Variants in THBS1 observed in about 807,000 individuals in gnomAD.
THBS1 encodes the protein thrombospondin 1, also known as thrombospondin-1.
In THBS1, 29 loss-of-function variants were observed where a neutral mutation model predicts 126.1. The ratio of observed to expected loss-of-function variants is 0.23; its 90% CI spans 0.17 to 0.31. The LOEUF is 0.31. Ranked by LOEUF, THBS1 falls within the 10% of genes least tolerant of loss-of-function variation. The pLI, the probability that THBS1 is intolerant of heterozygous loss-of-function variation, is 1.00. For synonymous variants in THBS1, 496 were observed against 577.8 expected (o/e 0.86, Z 2.03); for missense variants, 1,198 against 1,545.2 (o/e 0.78, Z 3.77).
rs781779878 is a variant in THBS1 at position 39,581,913 on chromosome 15, A to G, written c.56A>G (p.Asn19Ser). ...VLFLMHVCGTNRIPESGGDNS... is the reference protein window; with the variant it reads ...VLFLMHVCGTSRIPESGGDNS... Reference sequence around the variant, plus strand: ...TTCCTGATGCATGTGTGTGGCACCAACCGCATTCCAGGTGAGTTTGTGTGG... The same window carrying G: ...TTCCTGATGCATGTGTGTGGCACCAGCCGCATTCCAGGTGAGTTTGTGTGG... The change falls in exon 2 of 22, where the codon AAC becomes AGC. Residue 19 changes from asparagine (N) to serine (S), a missense_variant. Physicochemically the swap from Asn to Ser is conservative, Grantham distance 46. Transcript: ENST00000260356. 8 of 1,614,062 alleles carry G rather than the reference A, an allele frequency of 5.0e-6. No individual in the cohort carries two copies. The highest frequency in any genetic ancestry group is 4.5e-5 in the East Asian group (2 of 44,870).
At chr15:39,591,958 A>T (rs967631371) in intron 16 of THBS1, among the ~76,000 whole-genome samples, 4 of 152,248 alleles carry the variant, frequency 2.6e-5, no homozygotes, top group African/African-American at 9.6e-5. Flanking sequence ...TATTAATCAT[A>T]TGTAATACTA....
At position 39,596,131 on chromosome 15, in the gene THBS1, T is replaced by C. The variant is rs545488770; in HGVS notation, c.*762T>C. ...TGCTGGCTGCCATTGCCTGGTCACA[T>C]TGAAATTGGTGGCTTCATTCTAGAT... On this transcript the variant is annotated 3_prime_UTR_variant, in exon 22 of 22. Transcript: ENST00000260356. 3 of 287,878 alleles carry C rather than the reference T, an allele frequency of 1.0e-5. No individual in the cohort carries two copies. Among genetic ancestry groups the C allele is most frequent in the African/African-American group, 4.4e-5 (2 of 45,808 alleles). 17.8% of individuals were successfully genotyped at this position (287,878 alleles called of 1,614,324 possible). A position where few individuals can be genotyped will look rare whatever the true frequency, so the allele number is the denominator to read the frequency against.
In THBS1 at chr15:39,594,457, C is replaced by A. The variant is rs759711694; in HGVS notation, c.3505+17C>A. On this transcript the variant is annotated intron_variant, in intron 21 of 21. Coordinates refer to ENST00000260356, the MANE Select transcript of THBS1 (RefSeq NM_003246.4). The surrounding 1 kb of genome is among the most constrained non-coding windows in gnomAD (Gnocchi z 4.4). ...AATGTAGAGGTAAGAGCAACATCAC[C>A]ATGAATGTACACTGGACATCTCTAT... 1 of 1,612,558 alleles carries A rather than the reference C, an allele frequency of 6.2e-7. No homozygotes were observed.
In THBS1 at chr15:39,590,503, T is replaced by G; in HGVS notation, c.2146-13T>G. On this transcript the variant is annotated splice_polypyrimidine_tract_variant and intron_variant, in intron 13 of 21. Transcript: ENST00000260356. ...GGCAACTGAAGCAGTGATATATATC[T>G]TCTCTTTCCTAGGATAATTGCCCCA... is the stretch of plus-strand genomic sequence containing the variant. The G allele has an allele frequency of 6.2e-7, 1 of 1,607,396 alleles. No individual in the cohort carries two copies. Among genetic ancestry groups the G allele is most frequent in the Non-Finnish European group, 8.5e-7 (1 of 1,175,630 alleles).
intron 10 of THBS1, 46 bp from the exon 11 acceptor site, chr15:39,588,913 C>T (rs766111238): frequency 3.1e-6 from 5 of 1,614,018 alleles, no homozygotes; most frequent in Non-Finnish European, 8.5e-7. Context: ...AGTATGGCAG[C>T]TTAGACCAAC....
Position 39,595,617 on chromosome 15 carries a change from C to T in THBS1, c.*248C>T. 1 of 632,224 alleles carries T rather than the reference C, an allele frequency of 1.6e-6. No homozygotes were observed. The highest frequency in any genetic ancestry group is 2.9e-6 in the Non-Finnish European group (1 of 343,268). The allele number at this position is 632,224 out of a possible 1,614,324, so 39.2% of individuals were successfully genotyped here. On this transcript the variant is annotated 3_prime_UTR_variant, in exon 22 of 22. Coordinates refer to ENST00000260356, the MANE Select transcript of THBS1 (RefSeq NM_003246.4). ...GCATATAAACAATTGCTTTGGTTTCCTTTTGAAAAAGCATCTACTTGCTTC... is the reference window on the plus strand; with the variant it reads ...GCATATAAACAATTGCTTTGGTTTCTTTTTGAAAAAGCATCTACTTGCTTC...
chr15:39,589,139 G>T lies in THBS1; in HGVS notation c.1773+53G>T, dbSNP rs969644534. The T allele has an allele frequency of 6.2e-6, 10 of 1,612,754 alleles. No homozygotes were observed. The African/African-American group carries it at 1.3e-4, about 22-fold the overall frequency. On this transcript the variant is annotated intron_variant, in intron 11 of 21. Coordinates refer to ENST00000260356, the MANE Select transcript of THBS1 (RefSeq NM_003246.4). This position sits in a 1 kb window ranked among gnomAD's most constrained non-coding sequence, Gnocchi z 4.7. ...CTGGATCTAGGAAAGCAGCTAACCT[G>T]TGCAGTCGCTTCCTTATGGCAGTGA...
chr15:39,593,025 A>T lies in THBS1; in HGVS notation c.2793A>T (p.Lys931Asn). 6.2e-7 allele frequency: 1 copy of T among 1,613,190 alleles called. No homozygotes were observed. The highest frequency in any genetic ancestry group is 8.5e-7 in the Non-Finnish European group (1 of 1,179,684). Residue 931 changes from lysine to asparagine, a missense_variant, in exon 18 of 22, where the codon AAA becomes AAT. Physicochemically the swap from Lys to Asn is moderately conservative, Grantham distance 94 (BLOSUM62 0). Transcript: ENST00000260356. The surrounding 1 kb of genome is among the most constrained non-coding windows in gnomAD (Gnocchi z 5.9). Reference sequence around the variant, plus strand: ...GCGATGGTCGAGGTGATGCCTGCAAAGATGATTTTGACCATGACAGTGTGC... The same window carrying T: ...GCGATGGTCGAGGTGATGCCTGCAATGATGATTTTGACCATGACAGTGTGC... ...SDGDGRGDACKDDFDHDSVPD... is the reference protein window; with the variant it reads ...SDGDGRGDACNDDFDHDSVPD...
At position 39,582,653 on chromosome 15, in the gene THBS1, T is replaced by C; in HGVS notation, c.528T>C (p.Asn176=). The change falls in exon 3 of 22, where the codon AAT becomes AAC. Residue 176 remains asparagine (N), a synonymous_variant. Coordinates refer to ENST00000260356, the MANE Select transcript of THBS1 (RefSeq NM_003246.4). ...QLYIDCEKME[N]AELDVPIQSV... ...ACATCGACTGTGAAAAGATGGAGAATGCTGAGTTGGACGTCCCCATCCAAA... is the reference window on the plus strand; with the variant it reads ...ACATCGACTGTGAAAAGATGGAGAACGCTGAGTTGGACGTCCCCATCCAAA... 6.2e-7 allele frequency: 1 copy of C among 1,613,856 alleles called. No homozygotes were observed. The highest frequency in any genetic ancestry group is 8.5e-7 in the Non-Finnish European group (1 of 1,180,032).
Position 39,589,737 on chromosome 15 carries a change from A to C in THBS1, c.1927-68A>C. The C allele has an allele frequency of 6.8e-7, 1 of 1,473,980 alleles. No individual in the cohort carries two copies. The highest frequency in any genetic ancestry group is 9.1e-7 in the Non-Finnish European group (1 of 1,101,222). The allele number at this position is 1,473,980 out of a possible 1,614,324, so 91.3% of individuals were successfully genotyped here. A position where few individuals can be genotyped will look rare whatever the true frequency, so the allele number is the denominator to read the frequency against. Reference sequence around the variant, plus strand: ...CTACTCAGAGATGACAGGGATCTGGATTCTTGTTTCCATGATATCTGAGGA... The same window carrying C: ...CTACTCAGAGATGACAGGGATCTGGCTTCTTGTTTCCATGATATCTGAGGA... On this transcript the variant is annotated intron_variant, in intron 12 of 21. Transcript: ENST00000260356. This position sits in a 1 kb window ranked among gnomAD's most constrained non-coding sequence, Gnocchi z 4.7.
rs371913448 is a variant in THBS1, at chr15:39,585,522, A to C, written c.1079A>C (p.Asn360Thr). The C allele has an allele frequency of 2.5e-6, 4 of 1,614,034 alleles. No homozygotes were observed. Among genetic ancestry groups the C allele is most frequent in the African/African-American group, 2.7e-5 (2 of 74,932 alleles). The change falls in exon 7 of 22, where the codon AAT becomes ACT. Residue 360 changes from asparagine (N) to threonine (T), a missense_variant. Asn to Thr is a moderately conservative substitution (Grantham distance 65). This residue lies in a region of THBS1 where 663 missense variants were observed against 860.1 expected (regional missense o/e 0.77). Coordinates refer to ENST00000260356, the MANE Select transcript of THBS1 (RefSeq NM_003246.4). Reference protein sequence around the residue: ...KVSCPIMPCSNATVPDGECCP... With the variant: ...KVSCPIMPCSTATVPDGECCP... ...TCCTGCCCCATCATGCCCTGCTCCA[A>C]TGCCACAGTTCCTGATGGAGAATGC...
Position 39,584,437 on chromosome 15 carries a change from C to T in THBS1, c.1026+15C>T. The stretch of plus-strand genomic sequence containing the variant: ...GTCACTGTCAGGTAAGGGACCTTCA[C>T]CAGCCAGAATAAGAATCGACGGCTT... On this transcript the variant is annotated intron_variant, in intron 6 of 21. Transcript: ENST00000260356. The T allele has an allele frequency of 6.2e-7, 1 of 1,613,820 alleles. No homozygotes were observed. Among genetic ancestry groups the T allele is most frequent in the Non-Finnish European group, 8.5e-7 (1 of 1,179,912 alleles).
chr15:39,587,028 T>G (rs762061106), intron 7 of THBS1: 1 of 195,346 alleles, frequency 5.1e-6, no homozygotes, highest in African/African-American at 2.3e-5. Context: ...ATGGTGACCA[T>G]AGTTAATAAT....
chr15:39,590,154 C>A, intron 13 of THBS1, 131 bp downstream of exon 13: 1 of 872,376 alleles, frequency 1.1e-6, no homozygotes, highest in Non-Finnish European at 1.7e-6. Flanking sequence ...GGGAGAGGGG[C>A]ACTAATTCCT....
Position 39,599,245 on chromosome 15 carries a change from A to ATTAG in THBS1, c.*3879_*3880insGTTA, listed in dbSNP as rs1263388469. The ATTAG allele has an allele frequency of 7.9e-5, 12 of 152,310 alleles. No individual in the cohort carries two copies. Among genetic ancestry groups the ATTAG allele is most frequent in the African/African-American group, 2.9e-4 (12 of 41,580 alleles). 9.4% of individuals were successfully genotyped at this position (152,310 alleles called of 1,614,324 possible). On this transcript the variant is annotated 3_prime_UTR_variant, in exon 22 of 22. Coordinates refer to ENST00000260356, the MANE Select transcript of THBS1 (RefSeq NM_003246.4). ...AAAAAATCCGGAAGCTTTTTGTTGAATTACGTTACAGACTTAGTTACCAGT... is the reference window on the plus strand; with the variant it reads ...AAAAAATCCGGAAGCTTTTTGTTGAATTAGTTACGTTACAGACTTAGTTACCAGT...
intron 14 of THBS1, 148 bp from the exon 15 acceptor site, chr15:39,591,043 C>G: frequency 2.3e-6 from 2 of 872,118 alleles, no homozygotes; most frequent in East Asian, 2.6e-5. Flanking sequence ...TTGTAGTGAT[C>G]GTTTTACACT....
rs758236574 is a variant in THBS1 at position 39,589,563 on chromosome 15, C to G, written c.1926+209C>G. Among the ~76,000 whole-genome samples, 1 of 152,160 alleles carries G rather than the reference C, an allele frequency of 6.6e-6. No individual in the cohort carries two copies. The highest frequency in any genetic ancestry group is 1.5e-5 in the Non-Finnish European group (1 of 68,022). On this transcript the variant is annotated intron_variant, in intron 12 of 21. Coordinates refer to ENST00000260356, the MANE Select transcript of THBS1 (RefSeq NM_003246.4). This position sits in a 1 kb window ranked among gnomAD's most constrained non-coding sequence, Gnocchi z 4.7. ...GTCTTCCATATTTAAAAATGCTGCT[C>G]TGGAATAAGTTGTGAGCAGATGGAC...
chr15:39,583,280 A>G (rs1890146408), intron 3 of THBS1, among the ~76,000 whole-genome samples: 1 of 152,190 alleles, frequency 6.6e-6, no homozygotes, highest in African/African-American at 2.4e-5. Context: ...GATCTTTGCA[A>G]CGGTGGCTTT....
At chr15:39,587,827 C>T (rs1045357831) in intron 8 of THBS1, among the ~76,000 whole-genome samples, 1 of 152,228 alleles carries the variant, frequency 6.6e-6, no homozygotes, top group Non-Finnish European at 1.5e-5. Context: ...AGGATATTAA[C>T]AGCAACCCAT....
Sources: allele counts gnomAD v4.1 joint callset (sites outside exome capture counted in the v4.1 genomes callset), GRCh38; gene constraint gnomAD v4.1.1; regional missense constraint gnomAD v4.1.1; non-coding constraint Gnocchi (gnomAD v3.1); transcripts MANE v1.5; gene names NCBI Gene and HGNC (gene_info 2026-07-23, HGNC 2026-07-21).